Variants in ZSWIM9 observed in about 807,000 individuals in gnomAD.
ZSWIM9 encodes zinc finger SWIM-type containing 9.
Under a neutral mutation model 25.0 loss-of-function variants are expected in ZSWIM9, and 11 were observed. The ratio of observed to expected loss-of-function variants is 0.44; its 90% confidence interval spans 0.28 to 0.73. The LOEUF is 0.73. Among genes scored for constraint, ZSWIM9 ranks in the 30% least tolerant of loss-of-function variants. The pLI, the probability that ZSWIM9 is intolerant of heterozygous loss-of-function variation, is 0.16. For synonymous variants in ZSWIM9, 562 were observed against 582.1 expected (o/e 0.97, Z 0.50); for missense variants, 1,070 against 1,296.5 (o/e 0.83, Z 2.68).
rs1291194862 is a variant in ZSWIM9 at position 48,197,405 on chromosome 19, C to T, written c.*578C>T. ...GGGATGTAGGAGGGGGAAGAAAAAT[C>T]GGAGATGAGACAAAAGAAATGTGTG... On this transcript the variant is annotated 3_prime_UTR_variant, in exon 4 of 4. Transcript: ENST00000614654. The T allele has an allele frequency of 1.6e-6, 1 of 629,442 alleles. No homozygotes were observed. Among genetic ancestry groups the T allele is most frequent in the Non-Finnish European group, 2.8e-6 (1 of 352,100 alleles). 39.0% of individuals were successfully genotyped at this position (629,442 alleles called of 1,614,324 possible). A position where few individuals can be genotyped will look rare whatever the true frequency, so the allele number is the denominator to read the frequency against.
chr19:48,196,476 G>T lies in ZSWIM9; in HGVS notation c.2412G>T (p.Arg804Ser). 8.1e-7 allele frequency: 1 copy of T among 1,232,666 alleles called. No homozygotes were observed. The highest frequency in any genetic ancestry group is 1.0e-6 in the Non-Finnish European group (1 of 988,424). 76.4% of individuals were successfully genotyped at this position (1,232,666 alleles called of 1,614,324 possible). Residue 804 changes from arginine to serine, a missense_variant, in exon 4 of 4, where the codon AGG becomes AGT. By Grantham distance (110) the Arg-to-Ser change is moderately radical. Around this residue, in one of 4 missense-constraint regions of ZSWIM9, gnomAD observed 583 missense variants for 624.7 expected, o/e 0.93. Transcript: ENST00000614654. ...AGGAAGGAGGCGAAGATGGCCCCAG[G>T]GAACCAAAGAGGCTTTGCCGACCCC... ...GLQEGGEDGP[R>S]EPKRLCRPPG...
rs532129722 is a variant in ZSWIM9 at position 48,182,497 on chromosome 19, G to T, written c.318G>T (p.Leu106=). The T allele has an allele frequency of 6.1e-5, 94 of 1,535,614 alleles. No homozygotes were observed. The African/African-American group carries it at 1.2e-3, about 19-fold the overall frequency. Reference sequence around the variant, plus strand: ...GCCCCGCCTTCATCATCGTCAAGCTGAGCCCGCTGCGGGACCGCCTCGTGG... The same window carrying T: ...GCCCCGCCTTCATCATCGTCAAGCTTAGCCCGCTGCGGGACCGCCTCGTGG... ...PGCPAFIIVK[L]SPLRDRLVVT... The change falls in exon 3 of 4, where the codon CTG becomes CTT. Residue 106 remains leucine (L), a synonymous_variant. Coordinates refer to ENST00000614654, the MANE Select transcript of ZSWIM9 (RefSeq NM_199341.4). The surrounding 1 kb of genome is among the most constrained non-coding windows in gnomAD (Gnocchi z 4.6).
intron 2 of ZSWIM9, among the ~76,000 whole-genome samples, chr19:48,175,441 G>A (rs1425546355): frequency 1.5e-4 from 23 of 152,182 alleles, no homozygotes; most frequent in Admixed American, 1.4e-3. Context: ...GACAGCCCAT[G>A]GGCCGAGGTC....
In ZSWIM9 at chr19:48,194,422, T is replaced by C. The variant is rs1357639205; in HGVS notation, c.589-231T>C. On this transcript the variant is annotated intron_variant, in intron 3 of 3. Transcript: ENST00000614654. This position sits in a 1 kb window ranked among gnomAD's most constrained non-coding sequence, Gnocchi z 6.0. ...AAAGTGTCATGTGGAAAAAATCACA[T>C]AGCCGTTAGACTGTGGTACCTGGAT... is the stretch of plus-strand genomic sequence containing the variant. Among the ~76,000 whole-genome samples, 1 of 152,186 alleles carries C rather than the reference T, an allele frequency of 6.6e-6. No homozygotes were observed. The highest frequency in any genetic ancestry group is 1.5e-5 in the Non-Finnish European group (1 of 68,032).
chr19:48,187,564 T>A (rs1252541598), intron 3 of ZSWIM9: 1 of 23,068 alleles, frequency 4.3e-5, no homozygotes, highest in Non-Finnish European at 1.0e-4. Context: ...ATATTATATA[T>A]AATATTATAT....
At chr19:48,192,023 G>T in intron 3 of ZSWIM9, 1 of 154,828 alleles carries the variant, frequency 6.5e-6, no homozygotes. Flanking sequence ...TATCTTACAG[G>T]GATATTGTAA....
intron 1 of ZSWIM9, chr19:48,171,170 G>A (rs577296466): frequency 2.1e-6 from 2 of 948,152 alleles, no homozygotes; most frequent in African/African-American, 3.5e-5. Flanking sequence ...TGCATGTGGC[G>A]AGCCATAGGG....
intron 3 of ZSWIM9, among the ~76,000 whole-genome samples, chr19:48,184,882 A>C (rs1252698218): frequency 1.3e-5 from 2 of 152,040 alleles, no homozygotes; most frequent in African/African-American, 4.8e-5. Context: ...CATGGGGACA[A>C]ACACACATGC....
At chr19:48,179,909 A>G (rs2036930308) in intron 2 of ZSWIM9, among the ~76,000 whole-genome samples, 1 of 152,182 alleles carries the variant, frequency 6.6e-6, no homozygotes, top group Non-Finnish European at 1.5e-5. Flanking sequence ...TAAAATCAAG[A>G]CATTGGCAGT....
intron 1 of ZSWIM9, 34 bp from the exon 2 acceptor site, chr19:48,171,760 C>A: frequency 6.7e-7 from 1 of 1,501,788 alleles, no homozygotes; most frequent in South Asian, 1.3e-5. Flanking sequence ...GGGAATGGGT[C>A]TGATATCCAC....
intron 2 of ZSWIM9, among the ~76,000 whole-genome samples, chr19:48,174,392 G>A (rs1036129027): frequency 6.6e-6 from 1 of 152,130 alleles, no homozygotes; most frequent in African/African-American, 2.4e-5. Context: ...TAACCCTGGT[G>A]CCTGGAACAT....
intron 3 of ZSWIM9, among the ~76,000 whole-genome samples, chr19:48,185,761 T>C (rs1460963551): frequency 6.6e-6 from 1 of 152,164 alleles, no homozygotes. Flanking sequence ...CTGAGGCAGA[T>C]GGATCACCTG....
intron 2 of ZSWIM9, among the ~76,000 whole-genome samples, chr19:48,177,495 G>A (rs748835606): frequency 4.3e-4 from 66 of 152,304 alleles, no homozygotes; most frequent in Non-Finnish European, 6.5e-4. Context: ...TTTACATTTA[G>A]CGGGGGGATG....
In ZSWIM9 at chr19:48,196,696, T is replaced by C; in HGVS notation, c.2632T>C (p.Cys878Arg). 8.1e-7 allele frequency: 1 copy of C among 1,233,108 alleles called. No homozygotes were observed. The highest frequency in any genetic ancestry group is 1.0e-6 in the Non-Finnish European group (1 of 988,722). 76.4% of individuals were successfully genotyped at this position (1,233,108 alleles called of 1,614,324 possible). A position where few individuals can be genotyped will look rare whatever the true frequency, so the allele number is the denominator to read the frequency against. Residue 878 changes from cysteine to arginine, a missense_variant, in exon 4 of 4, where the codon TGC (cysteine) becomes CGC (arginine). Around this residue, in one of 4 missense-constraint regions of ZSWIM9, gnomAD observed 583 missense variants for 624.7 expected, o/e 0.93. Coordinates refer to ENST00000614654, the MANE Select transcript of ZSWIM9 (RefSeq NM_199341.4). Reference sequence around the variant, plus strand: ...CTTCCTGGATGGGGCCCTGACACGCTGCAGCTGCTCAATTCACGCCGCCCG... The same window carrying C: ...CTTCCTGGATGGGGCCCTGACACGCCGCAGCTGCTCAATTCACGCCGCCCG... ...DFFLDGALTR[C>R]SCSIHAARRL...
intron 2 of ZSWIM9, among the ~76,000 whole-genome samples, chr19:48,173,756 C>T (rs1270651919): frequency 6.6e-6 from 1 of 152,132 alleles, no homozygotes; most frequent in Admixed American, 6.5e-5. Context: ...CCTGCCTTAG[C>T]CTCCCCAGTA....
intron 3 of ZSWIM9, among the ~76,000 whole-genome samples, chr19:48,184,054 T>C (rs990912756): frequency 6.6e-6 from 1 of 151,782 alleles, no homozygotes; most frequent in Admixed American, 6.6e-5. Context: ...GAACCCACCA[T>C]GCAGATGGAG....
Position 48,182,461 on chromosome 19 carries a change from C to G in ZSWIM9, c.282C>G (p.Pro94=). ...RAPSRPAVGP[P]QPGCPAFIIV... ...GTGGTGGTTCCTCCCACAGGCCTCC[C>G]CAGCCCGGCTGCCCCGCCTTCATCA... Residue 94 remains proline, a synonymous_variant, in exon 3 of 4, where the codon CCC becomes CCG. Coordinates refer to ENST00000614654, the MANE Select transcript of ZSWIM9 (RefSeq NM_199341.4). This position sits in a 1 kb window ranked among gnomAD's most constrained non-coding sequence, Gnocchi z 4.6. 6.5e-7 allele frequency: 1 copy of G among 1,533,408 alleles called. No homozygotes were observed. The highest frequency in any genetic ancestry group is 8.7e-7 in the Non-Finnish European group (1 of 1,145,024). The allele number at this position is 1,533,408 out of a possible 1,614,324, so 95.0% of individuals were successfully genotyped here.
intron 2 of ZSWIM9, among the ~76,000 whole-genome samples, chr19:48,176,163 G>C (rs554210521): frequency 6.6e-6 from 1 of 152,220 alleles, no homozygotes; most frequent in Admixed American, 6.5e-5. Flanking sequence ...CTAAGATTGT[G>C]CCACTGCATT....
Position 48,182,187 on chromosome 19 carries a change from C to T in ZSWIM9, c.276-268C>T. 2 of 508,296 alleles carry T rather than the reference C, an allele frequency of 3.9e-6. No homozygotes were observed. Among genetic ancestry groups the T allele is most frequent in the East Asian group, 6.5e-5 (2 of 31,004 alleles). The allele number at this position is 508,296 out of a possible 1,614,324, so 31.5% of individuals were successfully genotyped here. A position where few individuals can be genotyped will look rare whatever the true frequency, so the allele number is the denominator to read the frequency against. On this transcript the variant is annotated intron_variant, in intron 2 of 3. Coordinates refer to ENST00000614654, the MANE Select transcript of ZSWIM9 (RefSeq NM_199341.4). This position sits in a 1 kb window ranked among gnomAD's most constrained non-coding sequence, Gnocchi z 4.6. ...CCATATTCCAGACACTGTGTAGGTG[C>T]TTTACCTATATTAACTCTTTTCATG... is the stretch of plus-strand genomic sequence containing the variant.
Sources: allele counts gnomAD v4.1 joint callset (sites outside exome capture counted in the v4.1 genomes callset), GRCh38; gene constraint gnomAD v4.1.1; regional missense constraint gnomAD v4.1.1; non-coding constraint Gnocchi (gnomAD v3.1); transcripts MANE v1.5; gene names NCBI Gene and HGNC (gene_info 2026-07-23, HGNC 2026-07-21).